ZBTB20: variants seen among roughly 807,000 people sequenced by gnomAD.
The protein encoded by ZBTB20 is zinc finger and BTB domain containing 20.
Under a neutral mutation model 56.9 loss-of-function variants are expected in ZBTB20, and 9 were observed. The ratio of observed to expected loss-of-function variants is 0.16; its 90% CI spans 0.10 to 0.28. The LOEUF (loss-of-function observed/expected upper bound fraction) is 0.28. Ranked by LOEUF, ZBTB20 falls within the 10% of genes least tolerant of loss-of-function variation. The pLI, the probability that ZBTB20 is intolerant of heterozygous loss-of-function variation, is 1.00. For missense variants in ZBTB20, 655 were observed against 1,003.0 expected, an observed-to-expected ratio of 0.65 and a Z score of 4.69; for synonymous variants, 417 against 420.7, an observed-to-expected ratio of 0.99 and a Z score of 0.11.
chr3:114,397,458 CTTGAAGGTTATTCT>C lies in ZBTB20; in HGVS notation c.-254-8367_-254-8354del, dbSNP rs1489897528. ...ATCTTTTCCCATGTTCCCTTCGTAT[CTTGAAGGTTATTCT>C]CTCTACTTCTCTTTATCTTCCTTTG... On this transcript the variant is annotated intron_variant, in intron 7 of 11. Coordinates refer to ENST00000675478, the MANE Select transcript of ZBTB20 (RefSeq NM_001348800.3). Among the ~76,000 whole-genome samples, 315 of 152,190 alleles carry C rather than the reference CTTGAAGGTTATTCT, an allele frequency of 2.1e-3. 2 individuals carry two copies. The highest frequency in any genetic ancestry group is 7.2e-3 in the African/African-American group (297 of 41,532).
intron 4 of ZBTB20, among the ~76,000 whole-genome samples, chr3:114,872,779 A>T (rs2107546400): frequency 6.6e-6 from 1 of 152,232 alleles, no homozygotes; most frequent in South Asian, 2.1e-4. Flanking sequence ...CCAAAATTCA[A>T]ACTGTGGAAT....
intron 7 of ZBTB20, among the ~76,000 whole-genome samples, chr3:114,396,100 G>A (rs1273371770): frequency 3.9e-5 from 6 of 152,118 alleles, no homozygotes; most frequent in Admixed American, 6.6e-5. Flanking sequence ...ACCGGATACT[G>A]GAACCTTCTT....
intron 6 of ZBTB20, among the ~76,000 whole-genome samples, chr3:114,606,117 C>G (rs949273820): frequency 6.6e-6 from 1 of 152,192 alleles, no homozygotes; most frequent in African/African-American, 2.4e-5. Flanking sequence ...GCTAGGGGAA[C>G]TGATTCCTGG....
At chr3:114,705,089 C>T (rs1203462568) in intron 5 of ZBTB20, among the ~76,000 whole-genome samples, 1 of 152,092 alleles carries the variant, frequency 6.6e-6, no homozygotes, top group Non-Finnish European at 1.5e-5. Context: ...AGCTACACAG[C>T]TAGTAAGGAA....
intron 5 of ZBTB20, among the ~76,000 whole-genome samples, chr3:114,750,861 C>G (rs1306931050): frequency 6.6e-6 from 1 of 152,150 alleles, no homozygotes; most frequent in East Asian, 1.9e-4. Context: ...CCTTTGTCTA[C>G]TCTTTGAAGC....
chr3:114,635,827 T>A (rs968148323), intron 6 of ZBTB20, among the ~76,000 whole-genome samples: 12 of 151,818 alleles, frequency 7.9e-5, no homozygotes, highest in African/African-American at 2.7e-4. Context: ...AGTGAATCAA[T>A]AAACACATTA....
rs1365843570 is a variant in ZBTB20, at chr3:114,959,386, C to A, written c.-456+14980G>T. Among the ~76,000 whole-genome samples the A allele has an allele frequency of 2.0e-5, 3 of 151,966 alleles. No individual in the cohort carries two copies. In the East Asian group the frequency reaches 5.8e-4, roughly 29 times the overall value. ...AAAAGATCACTCATATGAGAGAAGG[C>A]AGATCACATAGTGGAATGTCTAAGG... On this transcript the variant is annotated intron_variant, in intron 3 of 11. Coordinates refer to ENST00000675478, the MANE Select transcript of ZBTB20 (RefSeq NM_001348800.3).
At chr3:115,020,323 C>A (rs2080153318) in intron 2 of ZBTB20, among the ~76,000 whole-genome samples, 1 of 151,056 alleles carries the variant, frequency 6.6e-6, no homozygotes, top group Non-Finnish European at 1.5e-5. Context: ...AGCAGCCAAC[C>A]AACAGTTTAG....
chr3:114,672,709 C>T (rs917776606), intron 6 of ZBTB20, among the ~76,000 whole-genome samples: 5 of 152,096 alleles, frequency 3.3e-5, no homozygotes, highest in African/African-American at 7.2e-5. Flanking sequence ...AGCGCTGTAG[C>T]GTAATTAAAA....
intron 5 of ZBTB20, among the ~76,000 whole-genome samples, chr3:114,798,509 C>T (rs2071488088): frequency 6.6e-6 from 1 of 151,626 alleles, no homozygotes. Context: ...TTGCTTAGAC[C>T]CTGATTGTAG....
chr3:114,684,874 T>TA (rs201031687), intron 6 of ZBTB20, among the ~76,000 whole-genome samples: 1 of 151,860 alleles, frequency 6.6e-6, no homozygotes, highest in Non-Finnish European at 1.5e-5. Context: ...GGCAGGCCTT[T>TA]AAAAAAAAGT....
At chr3:114,539,782 A>G (rs1231502590) in intron 6 of ZBTB20, among the ~76,000 whole-genome samples, 1 of 152,082 alleles carries the variant, frequency 6.6e-6, no homozygotes, top group African/African-American at 2.4e-5. Context: ...GCTGCTCGAG[A>G]AAAATGATTC....
intron 5 of ZBTB20, among the ~76,000 whole-genome samples, chr3:114,707,865 C>G (rs1355269441): frequency 6.6e-6 from 1 of 152,182 alleles, no homozygotes; most frequent in East Asian, 1.9e-4. Context: ...CTGTAGTCTG[C>G]TGGCACCATA....
At chr3:114,575,347 A>G (rs1024840510) in intron 6 of ZBTB20, among the ~76,000 whole-genome samples, 5 of 152,170 alleles carry the variant, frequency 3.3e-5, no homozygotes, top group African/African-American at 1.2e-4. Context: ...TAGAATTTCC[A>G]TAAAATTTGC....
At chr3:114,724,035 A>AT (rs549602267) in intron 5 of ZBTB20, among the ~76,000 whole-genome samples, 5,873 of 146,320 alleles carry the variant, frequency 0.04, 201 homozygotes, top group African/African-American at 0.092. Flanking sequence ...AGCCCGGCTA[A>AT]TTTTTTTTTT....
At chr3:114,488,528 A>T (rs185205999) in intron 7 of ZBTB20, among the ~76,000 whole-genome samples, 1 of 152,350 alleles carries the variant, frequency 6.6e-6, no homozygotes, top group Non-Finnish European at 1.5e-5. Flanking sequence ...TGGAAAATGC[A>T]TCTCATACCT....
chr3:114,779,384 A>G (rs977783096), intron 5 of ZBTB20, among the ~76,000 whole-genome samples: 4 of 152,164 alleles, frequency 2.6e-5, no homozygotes, highest in African/African-American at 9.7e-5. Flanking sequence ...TAGAGGGTTG[A>G]GAACATTCTT....
intron 1 of ZBTB20, among the ~76,000 whole-genome samples, chr3:115,118,701 AAATTT>A (rs2084091219): frequency 7.6e-6 from 1 of 131,192 alleles, no homozygotes. Context: ...TACCTGGTAC[AAATTT>A]TTTTTTTTTT....
At chr3:114,767,856 A>C (rs2068893266) in intron 5 of ZBTB20, among the ~76,000 whole-genome samples, 1 of 152,098 alleles carries the variant, frequency 6.6e-6, no homozygotes, top group African/African-American at 2.4e-5. Context: ...AACAGTTCCA[A>C]GTGTTTTTAA....
Sources: allele counts gnomAD v4.1 joint callset (sites outside exome capture counted in the v4.1 genomes callset), GRCh38; gene constraint gnomAD v4.1.1; transcripts MANE v1.5; gene names NCBI Gene and HGNC (gene_info 2026-07-23, HGNC 2026-07-21).